MTX1: variants seen among roughly 807,000 people sequenced by gnomAD.
The protein encoded by MTX1 is metaxin 1.
A neutral mutation model predicts 39.4 loss-of-function variants in MTX1; 20 were observed. The ratio of observed to expected loss-of-function variants is 0.51; its 90% CI spans 0.36 to 0.74. The LOEUF (loss-of-function observed/expected upper bound fraction) is 0.74, where lower values mean the gene tolerates loss of function less well. Ranked by LOEUF, MTX1 falls within the 30% of genes least tolerant of loss-of-function variation. The pLI, the probability that MTX1 is intolerant of heterozygous loss-of-function variation, is 0.00. For missense variants in MTX1, 481 were observed against 485.9 expected, an observed-to-expected ratio of 0.99 and a Z score of 0.10; for synonymous variants, 209 against 198.6, an observed-to-expected ratio of 1.05 and a Z score of -0.44.
rs1328864054 is a variant in MTX1 at position 155,213,709 on chromosome 1, C to T, written c.*11C>T. The T allele has an allele frequency of 2.8e-5, 1 of 35,240 alleles. No individual in the cohort carries two copies. Among genetic ancestry groups the T allele is most frequent in the Non-Finnish European group, 5.1e-5 (1 of 19,426 alleles). 2.2% of individuals were successfully genotyped at this position (35,240 alleles called of 1,614,324 possible). On this transcript the variant is annotated 3_prime_UTR_variant, in exon 8 of 8. Coordinates refer to ENST00000368376, the MANE Select transcript of MTX1 (RefSeq NM_002455.5). Reference sequence around the variant, plus strand: ...GATGAAGAGGAATGATTTGTCCTCACGCTCCCAAGACTGGTTTTTCTACTC... The same window carrying T: ...GATGAAGAGGAATGATTTGTCCTCATGCTCCCAAGACTGGTTTTTCTACTC...
At chr1:155,209,794 G>A (rs902846928) in intron 1 of MTX1, among the ~76,000 whole-genome samples, 1 of 152,150 alleles carries the variant, frequency 6.6e-6, no homozygotes, top group East Asian at 1.9e-4. Flanking sequence ...TTTGTATAAA[G>A]AGCTTAGCAA....
In MTX1 at chr1:155,212,188, C is replaced by T; in HGVS notation, c.740C>T (p.Ser247Phe). 1 of 1,612,564 alleles carries T rather than the reference C, an allele frequency of 6.2e-7. No homozygotes were observed. The highest frequency in any genetic ancestry group is 8.5e-7 in the Non-Finnish European group (1 of 1,179,110). The change falls in exon 4 of 8, where the codon TCT becomes TTT. Residue 247 changes from serine to phenylalanine, a missense_variant. By Grantham distance (155) the Ser-to-Phe change is radical. This residue lies in a region of MTX1 where 113 missense variants were observed against 153.2 expected (regional missense o/e 0.74). Coordinates refer to ENST00000368376, the MANE Select transcript of MTX1 (RefSeq NM_002455.5). ...RQGADTLAFM[S>F]LLEEKLLPVL... ...GGGGCAGACACCCTGGCCTTCATGT[C>T]TCTCCTGGAGGAGAAGTTGCTCCCG...
chr1:155,211,955 C>T lies in MTX1; in HGVS notation c.679-172C>T, dbSNP rs1456561333. ...CAAGGCCCAGGCTTTTCGCCAACAG[C>T]AACAGGCTACTGGCTGGGCCCAGGC... On this transcript the variant is annotated intron_variant, in intron 3 of 7. Coordinates refer to ENST00000368376, the MANE Select transcript of MTX1 (RefSeq NM_002455.5). 5.6e-6 allele frequency: 3 copies of T among 540,142 alleles called. No individual in the cohort carries two copies. The Admixed American group carries it at 1.1e-4, about 19-fold the overall frequency. 33.5% of individuals were successfully genotyped at this position (540,142 alleles called of 1,614,324 possible).
intron 1 of MTX1, among the ~76,000 whole-genome samples, chr1:155,209,686 A>T (rs979785612): frequency 5.3e-5 from 8 of 152,042 alleles, no homozygotes; most frequent in Admixed American, 1.3e-4. Context: ...CTAGCTTGGA[A>T]TTCCTGCCTT....
At position 155,209,149 on chromosome 1, in the gene MTX1, C is replaced by A. The variant is rs1044567097; in HGVS notation, c.345C>A (p.Gly115=). The change falls in exon 1 of 8, where the codon GGC becomes GGA. Residue 115 remains glycine, a synonymous_variant. Transcript: ENST00000368376. The part of the protein sequence containing the change: ...RSLASPGISP[G]PLTATIGGAV... The stretch of plus-strand genomic sequence containing the variant: ...TCGCCTCCCCGGGGATCTCCCCAGG[C>A]CCCCTGACCGCAACGATCGGAGGGG... The A allele has an allele frequency of 4.6e-6, 7 of 1,521,254 alleles. No homozygotes were observed. Among genetic ancestry groups the A allele is most frequent in the Non-Finnish European group, 6.2e-6 (7 of 1,130,926 alleles). The allele number at this position is 1,521,254 out of a possible 1,614,324, so 94.2% of individuals were successfully genotyped here. A position where few individuals can be genotyped will look rare whatever the true frequency, so the allele number is the denominator to read the frequency against.
Position 155,212,780 on chromosome 1 carries a change from A to G in MTX1, c.1031+10A>G, listed in dbSNP as rs1383419429. 6.3e-7 allele frequency: 1 copy of G among 1,575,730 alleles called. No homozygotes were observed. Among genetic ancestry groups the G allele is most frequent in the African/African-American group, 1.4e-5 (1 of 73,754 alleles). ...TCTTCTTTGGAGATGCGTGAGTCTG[A>G]CTCCAAGAGGGTAATGGGTGGCTTG... On this transcript the variant is annotated intron_variant, in intron 6 of 7. Transcript: ENST00000368376.
In MTX1 at chr1:155,209,145, C is replaced by T; in HGVS notation, c.341C>T (p.Pro114Leu). Residue 114 changes from proline (P) to leucine (L), a missense_variant, in exon 1 of 8, where the codon CCA becomes CTA. By Grantham distance (98) the Pro-to-Leu change is moderately conservative. Transcript: ENST00000368376. Reference sequence around the variant, plus strand: ...AGCCTCGCCTCCCCGGGGATCTCCCCAGGCCCCCTGACCGCAACGATCGGA... The same window carrying T: ...AGCCTCGCCTCCCCGGGGATCTCCCTAGGCCCCCTGACCGCAACGATCGGA... ...RRSLASPGIS[P>L]GPLTATIGGA... 1 of 1,527,790 alleles carries T rather than the reference C, an allele frequency of 6.5e-7. No homozygotes were observed. The highest frequency in any genetic ancestry group is 8.8e-7 in the Non-Finnish European group (1 of 1,134,390). 94.6% of individuals were successfully genotyped at this position (1,527,790 alleles called of 1,614,324 possible).
chr1:155,212,314 A>G, intron 4 of MTX1, 71 bp from the exon 5 acceptor site: 1 of 1,601,854 alleles, frequency 6.2e-7, no homozygotes, highest in Non-Finnish European at 8.5e-7. Context: ...CATGGGGGTC[A>G]GAAGCCCACC....
chr1:155,209,697 C>A (rs927066663), intron 1 of MTX1, among the ~76,000 whole-genome samples: 1 of 152,202 alleles, frequency 6.6e-6, no homozygotes, highest in Non-Finnish European at 1.5e-5. Context: ...TTCCTGCCTT[C>A]TCCTCAGCCC....
At position 155,212,519 on chromosome 1, in the gene MTX1, G is replaced by T; in HGVS notation, c.906G>T (p.Leu302=). ...GGCAGTACATGGAACGGCTACAGCTGCTGACTGGGGAGCACAGGCCTGAGG... is the reference window on the plus strand; with the variant it reads ...GGCAGTACATGGAACGGCTACAGCTTCTGACTGGGGAGCACAGGCCTGAGG... ...MQRQYMERLQ[L]LTGEHRPEDE... Residue 302 remains leucine (L), a synonymous_variant, in exon 5 of 8, where the codon CTG becomes CTT. Transcript: ENST00000368376. The T allele has an allele frequency of 6.2e-7, 1 of 1,613,824 alleles. No homozygotes were observed. Among genetic ancestry groups the T allele is most frequent in the Non-Finnish European group, 8.5e-7 (1 of 1,179,738 alleles).
rs1356649067 is a variant in MTX1 at position 155,210,578 on chromosome 1, G to A, written c.629G>A (p.Gly210Glu). ...GTLPALRTSH[G>E]EVISVPHKII... ...CTGCCTGCCCTTCGGACCAGTCATGGAGAGGTCATCTCAGTTCCACACAAG... is the reference window on the plus strand; with the variant it reads ...CTGCCTGCCCTTCGGACCAGTCATGAAGAGGTCATCTCAGTTCCACACAAG... Residue 210 changes from glycine (G) to glutamate (E), a missense_variant, in exon 3 of 8, where the codon GGA becomes GAA. Physicochemically the swap from Gly to Glu is moderately conservative, Grantham distance 98. Transcript: ENST00000368376. 1.9e-6 allele frequency: 3 copies of A among 1,614,190 alleles called. No homozygotes were observed. Among genetic ancestry groups the A allele is most frequent in the Non-Finnish European group, 2.5e-6 (3 of 1,180,032 alleles).
At position 155,212,502 on chromosome 1, in the gene MTX1, A is replaced by G. The variant is rs1671164114; in HGVS notation, c.889A>G (p.Met297Val). 1 of 1,613,912 alleles carries G rather than the reference A, an allele frequency of 6.2e-7. No homozygotes were observed. The highest frequency in any genetic ancestry group is 1.1e-5 in the South Asian group (1 of 91,074). Residue 297 changes from methionine to valine, a missense_variant, in exon 5 of 8, where the codon ATG (methionine) becomes GTG (valine). By Grantham distance (21) the Met-to-Val change is conservative (BLOSUM62 1). Around this residue, in one of 2 missense-constraint regions of MTX1, gnomAD observed 113 missense variants for 153.2 expected, o/e 0.74. Transcript: ENST00000368376. ...GCCTGGCCGCATGCAGCGGCAGTAC[A>G]TGGAACGGCTACAGCTGCTGACTGG... is the stretch of plus-strand genomic sequence containing the variant. ...FLPGRMQRQY[M>V]ERLQLLTGEH...
At chr1:155,212,860 G>A (rs1671176230) in intron 6 of MTX1, 90 bp downstream of exon 6, 1 of 1,513,900 alleles carries the variant, frequency 6.6e-7, no homozygotes. Context: ...GGCTGGGGCT[G>A]GCTCAGGCTC....
At chr1:155,210,285 T>G in intron 1 of MTX1, 61 bp from the exon 2 acceptor site, 2 of 1,420,358 alleles carry the variant, frequency 1.4e-6, no homozygotes, top group Non-Finnish European at 9.9e-7. Flanking sequence ...TTATTTCTCT[T>G]CTTGATACCA....
In MTX1 at chr1:155,209,260, G is replaced by A. The variant is rs1397799238; in HGVS notation, c.456G>A (p.Ala152=). ...GACAGAGGGTGGGCAAGATGGCGGC[G>A]CCCATGGAGCTGTTCTGCTGGTCAG... ...FPGQRVGKMA[A]PMELFCWSGG... Residue 152 remains alanine, a synonymous_variant, in exon 1 of 8, where the codon GCG becomes GCA. Transcript: ENST00000368376. 1.4e-6 allele frequency: 2 copies of A among 1,448,734 alleles called. No homozygotes were observed. Among genetic ancestry groups the A allele is most frequent in the African/African-American group, 1.4e-5 (1 of 69,126 alleles). The allele number at this position is 1,448,734 out of a possible 1,614,324, so 89.7% of individuals were successfully genotyped here.
chr1:155,211,060 G>A (rs1408405565), intron 3 of MTX1: 1 of 203,314 alleles, frequency 4.9e-6, no homozygotes, highest in Admixed American at 5.5e-5. Context: ...CTCTGCCATT[G>A]ACTATGTGAT....
Position 155,209,134 on chromosome 1 carries a change from G to GGGGATCTCCCCA in MTX1, c.333_344dup (p.Ile112_Gly115dup), listed in dbSNP as rs1670952139. 1 of 1,540,374 alleles carries GGGGATCTCCCCA rather than the reference G, an allele frequency of 6.5e-7. No homozygotes were observed. The highest frequency in any genetic ancestry group is 8.8e-7 in the Non-Finnish European group (1 of 1,141,882). On this transcript the variant is annotated inframe_insertion, in exon 1 of 8. Coordinates refer to ENST00000368376, the MANE Select transcript of MTX1 (RefSeq NM_002455.5). ...GGGCCAGAAGAAGCCTCGCCTCCCC[G>GGGGATCTCCCCA]GGGATCTCCCCAGGCCCCCTGACCG... is the stretch of plus-strand genomic sequence containing the variant.
intron 1 of MTX1, among the ~76,000 whole-genome samples, 196 bp from the exon 2 acceptor site, chr1:155,210,150 A>G (rs563068259): frequency 2.6e-5 from 4 of 152,362 alleles, no homozygotes; most frequent in South Asian, 4.1e-4. Context: ...AATCACAGAC[A>G]TGTCCGGAAT....
chr1:155,210,931 G>C (rs1671113126), intron 3 of MTX1: 2 of 425,446 alleles, frequency 4.7e-6, no homozygotes, highest in Non-Finnish European at 8.7e-6. Context: ...GCCACTTCCT[G>C]TTTTCAGGGA....
Sources: gnomAD v4.1 joint callset for allele counts (sites outside exome capture counted in the v4.1 genomes callset) on GRCh38, gnomAD v4.1.1 for gene constraint, gnomAD v4.1.1 regional missense constraint, MANE v1.5 for transcripts, NCBI Gene and HGNC (gene_info 2026-07-23, HGNC 2026-07-21) for gene names.